Variants in GLYATL3 observed in about 807,000 individuals in gnomAD.
GLYATL3 encodes the protein glycine N-acyltransferase-like protein 3.
GLYATL3 carries 31 observed loss-of-function variants against 28.5 expected under a neutral mutation model. The observed-to-expected ratio is 1.09, with a 90% CI of 0.82 to 1.47. The LOEUF (loss-of-function observed/expected upper bound fraction) is 1.47, where lower values mean the gene tolerates loss of function less well. GLYATL3 is among the 40% of genes most tolerant of loss of function. GLYATL3 has a pLI of 0.00. For synonymous variants in GLYATL3, 141 were observed against 140.2 expected, an observed-to-expected ratio of 1.01 and a Z score of -0.04; for missense variants, 369 against 351.5, an observed-to-expected ratio of 1.05 and a Z score of -0.40.
chr6:49,501,808 T>A (rs1768918402), intron 1 of GLYATL3, among the ~76,000 whole-genome samples: 4 of 152,204 alleles, frequency 2.6e-5, no homozygotes, highest in Non-Finnish European at 5.9e-5. Flanking sequence ...ATGAGCGTGT[T>A]ATAGCCCTAT....
chr6:49,511,527 T>G (rs1769122152), intron 1 of GLYATL3, among the ~76,000 whole-genome samples: 1 of 152,194 alleles, frequency 6.6e-6, no homozygotes, highest in Non-Finnish European at 1.5e-5. Context: ...CATCAACTAT[T>G]TAGAATGTCC....
chr6:49,526,125 G>C (rs1282763939), intron 5 of GLYATL3, among the ~76,000 whole-genome samples: 1 of 152,070 alleles, frequency 6.6e-6, no homozygotes, highest in Non-Finnish European at 1.5e-5. Flanking sequence ...TATGAAAAGA[G>C]TAGTTATAGG....
chr6:49,513,682 C>T (rs774281477), intron 2 of GLYATL3, among the ~76,000 whole-genome samples: 14 of 152,120 alleles, frequency 9.2e-5, no homozygotes, highest in Non-Finnish European at 1.2e-4. Flanking sequence ...ATCCATGTTA[C>T]ACAATAATAT....
chr6:49,515,684 G>A lies in GLYATL3; in HGVS notation c.110G>A (p.Gly37Glu). 6.4e-7 allele frequency: 1 copy of A among 1,550,828 alleles called. No individual in the cohort carries two copies. The highest frequency in any genetic ancestry group is 8.7e-7 in the Non-Finnish European group (1 of 1,146,286). The change falls in exon 3 of 6, where the codon GGG (glycine) becomes GAG (glutamate). Residue 37 changes from glycine to glutamate, a missense_variant. By Grantham distance (98) the Gly-to-Glu change is moderately conservative (BLOSUM62 -2). Coordinates refer to ENST00000371197, the MANE Select transcript of GLYATL3 (RefSeq NM_001010904.2). The part of the protein sequence containing the change: ...VYGAVMNINR[G>E]NPFQKEVVLD... Reference sequence around the variant, plus strand: ...GGAGCGGTGATGAACATAAATCGTGGGAACCCCTTTCAAAAGGAAGTGGTG... The same window carrying A: ...GGAGCGGTGATGAACATAAATCGTGAGAACCCCTTTCAAAAGGAAGTGGTG...
chr6:49,509,520 A>G (rs763993275), intron 1 of GLYATL3, among the ~76,000 whole-genome samples: 1 of 152,218 alleles, frequency 6.6e-6, no homozygotes, highest in Non-Finnish European at 1.5e-5. Flanking sequence ...ATTTTTAAAC[A>G]GCAAAATCAA....
At chr6:49,509,566 A>G (rs1202542155) in intron 1 of GLYATL3, among the ~76,000 whole-genome samples, 2 of 152,224 alleles carry the variant, frequency 1.3e-5, no homozygotes, top group Non-Finnish European at 2.9e-5. Flanking sequence ...TTAGCACTAA[A>G]CAGACCATGA....
At position 49,526,791 on chromosome 6, in the gene GLYATL3, C is replaced by T. The variant is rs1257966856; in HGVS notation, c.744C>T (p.Asn248=). ...GCCGGGGATTCCCCTCTCAGGGGAACGTCCTGGATGACAACACGGCGTCTA... is the reference window on the plus strand; with the variant it reads ...GCCGGGGATTCCCCTCTCAGGGGAATGTCCTGGATGACAACACGGCGTCTA... ...LQSRGFPSQG[N]VLDDNTASIS... is the part of the protein sequence containing the mutation. Residue 248 remains asparagine, a synonymous_variant, in exon 6 of 6, where the codon AAC becomes AAT. Coordinates refer to ENST00000371197, the MANE Select transcript of GLYATL3 (RefSeq NM_001010904.2). 9.0e-6 allele frequency: 14 copies of T among 1,551,950 alleles called. No individual in the cohort carries two copies. Among genetic ancestry groups the T allele is most frequent in the Non-Finnish European group, 1.2e-5 (14 of 1,146,992 alleles).
intron 4 of GLYATL3, among the ~76,000 whole-genome samples, chr6:49,518,870 G>A (rs1446901288): frequency 3.9e-5 from 6 of 152,100 alleles, no homozygotes; most frequent in Non-Finnish European, 8.8e-5. Flanking sequence ...GAACCCAGGA[G>A]GTGGAGCTTG....
At position 49,526,716 on chromosome 6, in the gene GLYATL3, G is replaced by A. The variant is rs759575680; in HGVS notation, c.669G>A (p.Arg223=). The change falls in exon 6 of 6, where the codon AGG becomes AGA. Residue 223 remains arginine, a synonymous_variant. Coordinates refer to ENST00000371197, the MANE Select transcript of GLYATL3 (RefSeq NM_001010904.2). ...GCTACACCCTGCCAGAACATCGCAG[G>A]AAAGGTTACAGCCGGCTGGTGGCCC... ...CHGYTLPEHR[R]KGYSRLVALT... The A allele has an allele frequency of 1.2e-5, 18 of 1,551,660 alleles. No homozygotes were observed. The South Asian group carries it at 1.9e-4, about 16-fold the overall frequency.
In GLYATL3 at chr6:49,526,604, C is replaced by T. The variant is rs150875364; in HGVS notation, c.557C>T (p.Ser186Phe). The change falls in exon 6 of 6, where the codon TCC becomes TTC. Residue 186 changes from serine to phenylalanine, a missense_variant. Transcript: ENST00000371197. ...QCLRYIANLI[S>F]CFPSVCVRDE... is the part of the protein sequence containing the mutation. ...CTCCGGTACATCGCCAACCTCATCT[C>T]CTGCTTCCCTAGTGTGTGTGTCCGG... The T allele has an allele frequency of 3.6e-5, 56 of 1,552,006 alleles. No homozygotes were observed. In the African/African-American group the frequency reaches 7.0e-4, roughly 19 times the overall value.
chr6:49,508,513 A>G (rs560481773), intron 1 of GLYATL3, among the ~76,000 whole-genome samples: 4 of 152,356 alleles, frequency 2.6e-5, no homozygotes, highest in African/African-American at 9.6e-5. Flanking sequence ...AGAGCTGTGC[A>G]AGATGAGGGC....
In GLYATL3 at chr6:49,512,007, GT is replaced by G; in HGVS notation, c.19del (p.Ser7LeufsTer5). 1 of 1,503,000 alleles carries G rather than the reference GT, an allele frequency of 6.7e-7. No homozygotes were observed. The highest frequency in any genetic ancestry group is 9.0e-7 in the Non-Finnish European group (1 of 1,105,732). 93.1% of individuals were successfully genotyped at this position (1,503,000 alleles called of 1,614,324 possible). A position where few individuals can be genotyped will look rare whatever the true frequency, so the allele number is the denominator to read the frequency against. ...CTGGAAAAGATGTTGGTGCTAAACT[GT>G]TCTACCAAATTACTGATACTGGAGA... MLVLN[C>X]STKLLILEKM... On this transcript the variant is annotated frameshift_variant, in exon 2 of 6. Transcript: ENST00000371197. LOFTEE classifies it high-confidence loss of function.
chr6:49,502,927 G>A (rs1768940585), intron 1 of GLYATL3, among the ~76,000 whole-genome samples: 1 of 152,118 alleles, frequency 6.6e-6, no homozygotes, highest in Non-Finnish European at 1.5e-5. Context: ...CTATGATATT[G>A]ATTAAAGGAT....
At chr6:49,515,428 T>A (rs1769197881) in intron 2 of GLYATL3, among the ~76,000 whole-genome samples, 1 of 151,960 alleles carries the variant, frequency 6.6e-6, no homozygotes, top group Non-Finnish European at 1.5e-5. Flanking sequence ...TTGGAAAGAG[T>A]TTTTATAGGA....
intron 1 of GLYATL3, among the ~76,000 whole-genome samples, chr6:49,503,650 A>T (rs1307807740): frequency 6.6e-6 from 1 of 152,222 alleles, no homozygotes; most frequent in Non-Finnish European, 1.5e-5. Flanking sequence ...AACTAACACA[A>T]TCCTTCCACA....
Position 49,512,994 on chromosome 6 carries a change from A to G in GLYATL3, c.78+926A>G, listed in dbSNP as rs1362935073. 3.3e-5 allele frequency among the ~76,000 whole-genome samples: 5 copies of G among 152,196 alleles called. No individual in the cohort carries two copies. The East Asian group carries it at 9.6e-4, about 29-fold the overall frequency. On this transcript the variant is annotated intron_variant, in intron 2 of 5. Coordinates refer to ENST00000371197, the MANE Select transcript of GLYATL3 (RefSeq NM_001010904.2). ...AAAAATAAAATGTACCAAATTGACA[A>G]TCCAACCCAAATTTTCCCAAGATCA...
rs536826132 is a variant in GLYATL3, at chr6:49,523,847, T to C, written c.440+2076T>C. On this transcript the variant is annotated intron_variant, in intron 5 of 5. Transcript: ENST00000371197. ...CTTTATTTTTTGCATTACTTTTCTG[T>C]TGAAGAAACCAAGTTATTTGTTCTT... Among the ~76,000 whole-genome samples, 4 of 152,338 alleles carry C rather than the reference T, an allele frequency of 2.6e-5. No individual in the cohort carries two copies. In the South Asian group the frequency reaches 8.3e-4, roughly 32 times the overall value.
intron 3 of GLYATL3, among the ~76,000 whole-genome samples, chr6:49,516,727 G>A (rs1387994730): frequency 2.6e-5 from 4 of 152,090 alleles, no homozygotes; most frequent in South Asian, 4.2e-4. Flanking sequence ...CCCAGAGTCC[G>A]AGACTACAGT....
intron 2 of GLYATL3, among the ~76,000 whole-genome samples, chr6:49,514,321 A>G (rs1769174639): frequency 6.6e-6 from 1 of 152,168 alleles, no homozygotes; most frequent in African/African-American, 2.4e-5. Context: ...TTTGCTCAAC[A>G]TTATGTTTGT....
Sources: allele counts gnomAD v4.1 joint callset (sites outside exome capture counted in the v4.1 genomes callset), GRCh38; gene constraint gnomAD v4.1.1; transcripts MANE v1.5; gene names NCBI Gene and HGNC (gene_info 2026-07-23, HGNC 2026-07-21).